Variants in ALDH9A1 observed in about 807,000 individuals in gnomAD.
ALDH9A1 encodes aldehyde dehydrogenase 9 family member A1, also known as 4-trimethylaminobutyraldehyde dehydrogenase.
In ALDH9A1, 42 loss-of-function variants were observed where a neutral mutation model predicts 56.6. That is an observed-to-expected ratio of 0.74 (90% CI 0.58 to 0.96). ALDH9A1 has a LOEUF of 0.96. Among genes scored for constraint, ALDH9A1 ranks in the 40% least tolerant of loss-of-function variants. ALDH9A1 has a pLI of 0.00. For synonymous variants in ALDH9A1, 242 were observed against 236.0 expected, an observed-to-expected ratio of 1.03 and a Z score of -0.23; for missense variants, 661 against 651.5, an observed-to-expected ratio of 1.01 and a Z score of -0.16.
In ALDH9A1 at chr1:165,679,496, A is replaced by G. The variant is rs772219955; in HGVS notation, c.876T>C (p.Asp292=). Residue 292 remains aspartate, a synonymous_variant, in exon 6 of 11, where the codon GAT becomes GAC. Coordinates refer to ENST00000354775, the MANE Select transcript of ALDH9A1 (RefSeq NM_000696.4). ...GCGCCCCCTTTACAGCATTGTTCAT[A>G]TCACAGTCTGAGAAGATGATGAGTG... ...KSPLIIFSDC[D]MNNAVKGALM... is the part of the protein sequence containing the mutation. 6.2e-7 allele frequency: 1 copy of G among 1,614,180 alleles called. No homozygotes were observed. Among genetic ancestry groups the G allele is most frequent in the Non-Finnish European group, 8.5e-7 (1 of 1,180,026 alleles).
Position 165,669,303 on chromosome 1 carries a change from G to C in ALDH9A1, c.1078C>G (p.Leu360Val). 6.2e-7 allele frequency: 1 copy of C among 1,613,220 alleles called. No homozygotes were observed. The highest frequency in any genetic ancestry group is 8.5e-7 in the Non-Finnish European group (1 of 1,179,748). ...RMGPLINRPH[L>V]ERVLGFVKVA... ...TTGACAAACCCAAGGACTCGCTCCA[G>C]GTGTGGTCGGTTGATGAGTGGACCC... Residue 360 changes from leucine (L) to valine (V), a missense_variant, in exon 7 of 11, where the codon CTG becomes GTG. Coordinates refer to ENST00000354775, the MANE Select transcript of ALDH9A1 (RefSeq NM_000696.4).
intron 1 of ALDH9A1, among the ~76,000 whole-genome samples, chr1:165,695,915 G>A (rs1188261311): frequency 2.0e-5 from 3 of 151,774 alleles, no homozygotes; most frequent in African/African-American, 7.3e-5. Flanking sequence ...GCAATGGCAC[G>A]ATCTTGACTC....
intron 2 of ALDH9A1, among the ~76,000 whole-genome samples, chr1:165,692,704 G>C (rs1356384833): frequency 2.0e-5 from 3 of 151,156 alleles, no homozygotes; most frequent in African/African-American, 7.3e-5. Flanking sequence ...CACAGAATTG[G>C]AAAAAACTAT....
At chr1:165,667,495 T>C (rs560319498) in intron 8 of ALDH9A1, 45 bp from the exon 9 acceptor site, 1 of 1,601,492 alleles carries the variant, frequency 6.2e-7, no homozygotes, top group South Asian at 1.1e-5. Flanking sequence ...GGGACCACAG[T>C]GTGCACCACC....
chr1:165,669,802 TTAACAG>T (rs1398784711), intron 6 of ALDH9A1, among the ~76,000 whole-genome samples: 1 of 152,174 alleles, frequency 6.6e-6, no homozygotes, highest in Non-Finnish European at 1.5e-5. Flanking sequence ...GGAAGGGAAC[TTAACAG>T]TAAACCTATA....
intron 2 of ALDH9A1, 39 bp from the exon 3 acceptor site, chr1:165,683,149 C>T (rs1419951054): frequency 2.5e-6 from 4 of 1,593,784 alleles, no homozygotes; most frequent in East Asian, 4.5e-5. Flanking sequence ...AGACATATTC[C>T]AATATGTCTT....
Position 165,669,446 on chromosome 1 carries a change from C to A in ALDH9A1, c.935G>T (p.Cys312Phe). The change falls in exon 7 of 11, where the codon TGC becomes TTC. Residue 312 changes from cysteine (C) to phenylalanine (F), a missense_variant. Transcript: ENST00000354775. ...MANFLTQGQV[C>F]CNGTRVFVQK... The stretch of plus-strand genomic sequence containing the variant: ...CACAAATACTCTTGTGCCATTACAG[C>A]AAACCTAAAGGACAAACACAAGACA... 1.2e-6 allele frequency: 2 copies of A among 1,608,842 alleles called. No homozygotes were observed. The highest frequency in any genetic ancestry group is 2.2e-5 in the East Asian group (1 of 44,722).
Position 165,680,474 on chromosome 1 carries a change from G to A in ALDH9A1, c.789+13C>T, listed in dbSNP as rs199563024. 7 of 1,613,338 alleles carry A rather than the reference G, an allele frequency of 4.3e-6. No homozygotes were observed. The highest frequency in any genetic ancestry group is 5.9e-6 in the Non-Finnish European group (7 of 1,179,844). On this transcript the variant is annotated intron_variant, in intron 5 of 10. Transcript: ENST00000354775. ...ATGCCATGTGTGTTGACCAATACTG[G>A]TTTTGTCCTCACCTTCATGCCAGTG...
chr1:165,666,705 C>A (rs1649019066), intron 9 of ALDH9A1, among the ~76,000 whole-genome samples: 1 of 152,146 alleles, frequency 6.6e-6, no homozygotes, highest in African/African-American at 2.4e-5. Context: ...AAGTGTAAAG[C>A]CGCTTTAGCA....
rs567013249 is a variant in ALDH9A1, at chr1:165,691,224, C to T, written c.327+4028G>A. 1.3e-3 allele frequency among the ~76,000 whole-genome samples: 196 copies of T among 152,292 alleles called. 2 individuals are homozygous for T. The highest frequency in any genetic ancestry group is 4.5e-3 in the African/African-American group (185 of 41,560). Reference sequence around the variant, plus strand: ...GCAATATTTGCTGTTCTACAGCCTCCGCTGGTGATACCCAGGCAAACAGGG... The same window carrying T: ...GCAATATTTGCTGTTCTACAGCCTCTGCTGGTGATACCCAGGCAAACAGGG... On this transcript the variant is annotated intron_variant, in intron 2 of 10. Coordinates refer to ENST00000354775, the MANE Select transcript of ALDH9A1 (RefSeq NM_000696.4).
intron 2 of ALDH9A1, among the ~76,000 whole-genome samples, chr1:165,688,601 G>A (rs968050663): frequency 2.8e-4 from 42 of 152,164 alleles, no homozygotes; most frequent in African/African-American, 8.7e-4. Flanking sequence ...GCACATATAC[G>A]GGAAGCTGAG....
chr1:165,697,709 A>G (rs1650135142), intron 1 of ALDH9A1, among the ~76,000 whole-genome samples: 1 of 152,116 alleles, frequency 6.6e-6, no homozygotes, highest in Non-Finnish European at 1.5e-5. Flanking sequence ...TTTGAAGACA[A>G]TAATACATCA....
In ALDH9A1 at chr1:165,695,479, G is replaced by A. The variant is rs536368042; in HGVS notation, c.182-82C>T. On this transcript the variant is annotated intron_variant, in intron 1 of 10. Transcript: ENST00000354775. ...AATATTATCTATCAATATTCTCTTA[G>A]TAGTAGTCTTTTTTTTTTTTTTTTT... is the stretch of plus-strand genomic sequence containing the variant. 2.0e-3 allele frequency: 1,102 copies of A among 561,218 alleles called. 6 individuals are homozygous for A. Among genetic ancestry groups the A allele is most frequent in the Non-Finnish European group, 1.4e-3 (518 of 376,650 alleles). 34.8% of individuals were successfully genotyped at this position (561,218 alleles called of 1,614,324 possible). A position where few individuals can be genotyped will look rare whatever the true frequency, so the allele number is the denominator to read the frequency against.
Position 165,680,774 on chromosome 1 carries a change from CA to C in ALDH9A1, c.593-92del, listed in dbSNP as rs1318190540. On this transcript the variant is annotated intron_variant, in intron 4 of 10. Coordinates refer to ENST00000354775, the MANE Select transcript of ALDH9A1 (RefSeq NM_000696.4). ...CTAGAGGACAATTCAAAAATGATTC[CA>C]ATTGTTTCCTCTTCCCCAACCAAAT... The C allele has an allele frequency of 1.5e-4, 185 of 1,228,506 alleles. No individual in the cohort carries two copies. The African/African-American group carries it at 2.6e-3, about 17-fold the overall frequency. 76.1% of individuals were successfully genotyped at this position (1,228,506 alleles called of 1,614,324 possible).
intron 4 of ALDH9A1, 47 bp from the exon 5 acceptor site, chr1:165,680,730 T>C (rs764662044): frequency 8.5e-6 from 13 of 1,524,444 alleles, no homozygotes; most frequent in Non-Finnish European, 1.2e-5. Flanking sequence ...CTAAGACCAG[T>C]GATCCCCTGA....
At position 165,675,957 on chromosome 1, in the gene ALDH9A1, G is replaced by A. The variant is rs141514283; in HGVS notation, c.930+3485C>T. On this transcript the variant is annotated intron_variant, in intron 6 of 10. Coordinates refer to ENST00000354775, the MANE Select transcript of ALDH9A1 (RefSeq NM_000696.4). ...TAGAATACTAAGTGTATTCTATGATGAGCAATTAGATAAACATTGTGGATA... is the reference window on the plus strand; with the variant it reads ...TAGAATACTAAGTGTATTCTATGATAAGCAATTAGATAAACATTGTGGATA... Among the ~76,000 whole-genome samples, 9 of 152,274 alleles carry A rather than the reference G, an allele frequency of 5.9e-5. No individual in the cohort carries two copies. The East Asian group carries it at 1.2e-3, about 20-fold the overall frequency.
chr1:165,689,329 A>T (rs1225232563), intron 2 of ALDH9A1, among the ~76,000 whole-genome samples: 4 of 152,212 alleles, frequency 2.6e-5, no homozygotes, highest in Non-Finnish European at 5.9e-5. Flanking sequence ...CCCTAAAGAT[A>T]AAGAAATCTG....
At chr1:165,698,039 C>G (rs1442335475) in intron 1 of ALDH9A1, among the ~76,000 whole-genome samples, 4 of 151,764 alleles carry the variant, frequency 2.6e-5, no homozygotes, top group African/African-American at 9.7e-5. Context: ...TCAAAACAAA[C>G]AAAAAACAAA....
intron 6 of ALDH9A1, among the ~76,000 whole-genome samples, chr1:165,678,699 C>A (rs1232377943): frequency 6.6e-6 from 1 of 152,220 alleles, no homozygotes; most frequent in Non-Finnish European, 1.5e-5. Flanking sequence ...ACAGTGAGGA[C>A]TTACCTTAAA....
Sources: gnomAD v4.1 joint callset for allele counts (sites outside exome capture counted in the v4.1 genomes callset) on GRCh38, gnomAD v4.1.1 for gene constraint, MANE v1.5 for transcripts, NCBI Gene and HGNC (gene_info 2026-07-23, HGNC 2026-07-21) for gene names.